The following CNTNAP4 variants were observed in gnomAD, a reference collection of about 807,000 sequenced individuals.
The protein encoded by CNTNAP4 is contactin-associated protein-like 4.
CNTNAP4 carries 98 observed loss-of-function variants against 148.4 expected under a neutral mutation model. The ratio of observed to expected loss-of-function variants is 0.66; its 90% CI spans 0.56 to 0.78. The LOEUF is 0.78. Among genes scored for constraint, CNTNAP4 ranks in the 30% least tolerant of loss-of-function variants. The probability of loss-of-function intolerance (pLI) is 0.00; values close to 1 mark genes in which losing one functional copy is unlikely to be tolerated. For synonymous variants in CNTNAP4, 730 were observed against 565.1 expected, an observed-to-expected ratio of 1.29 and a Z score of -4.14; for missense variants, 1,935 against 1,565.6, an observed-to-expected ratio of 1.24 and a Z score of -3.98.
intron 21 of CNTNAP4, among the ~76,000 whole-genome samples, chr16:76,552,876 C>T (rs1304396720): frequency 6.6e-6 from 1 of 152,154 alleles, no homozygotes; most frequent in Non-Finnish European, 1.5e-5. Context: ...ACTTTCAGGG[C>T]ATAAGTCTTG....
intron 10 of CNTNAP4, among the ~76,000 whole-genome samples, chr16:76,469,881 C>T (rs1046081777): frequency 1.3e-5 from 2 of 152,118 alleles, no homozygotes; most frequent in Non-Finnish European, 2.9e-5. Context: ...CCAAGCGTAT[C>T]TGTAAACCTG....
intron 4 of CNTNAP4, among the ~76,000 whole-genome samples, chr16:76,431,302 G>C (rs2079596058): frequency 1.3e-5 from 2 of 152,136 alleles, no homozygotes. Context: ...GTGAAATCTG[G>C]AGGCAGCAAC....
intron 1 of CNTNAP4, among the ~76,000 whole-genome samples, chr16:76,286,876 A>G (rs1412970446): frequency 6.6e-6 from 1 of 152,228 alleles, no homozygotes; most frequent in Non-Finnish European, 1.5e-5. Context: ...GGACTTAATT[A>G]AAAGAACATT....
At chr16:76,310,796 AT>A (rs35735286) in intron 1 of CNTNAP4, among the ~76,000 whole-genome samples, 131 of 144,844 alleles carry the variant, frequency 9.0e-4, no homozygotes, top group Admixed American at 1.5e-3. Context: ...AATCAGCCCT[AT>A]TTTTTTTTTT....
At chr16:76,494,186 G>A (rs758541634) in intron 13 of CNTNAP4, among the ~76,000 whole-genome samples, 3 of 151,586 alleles carry the variant, frequency 2.0e-5, no homozygotes, top group African/African-American at 4.9e-5. Flanking sequence ...ACTTGGCATC[G>A]TGTTTAGTCT....
At chr16:76,413,789 C>T (rs1294872167) in intron 3 of CNTNAP4, among the ~76,000 whole-genome samples, 6 of 150,978 alleles carry the variant, frequency 4.0e-5, no homozygotes, top group Admixed American at 2.7e-4. Flanking sequence ...TTATAATTTT[C>T]ATGTAAAGGC....
intron 12 of CNTNAP4, among the ~76,000 whole-genome samples, chr16:76,484,967 CA>C (rs201028480): frequency 3.2e-4 from 48 of 152,042 alleles, no homozygotes; most frequent in African/African-American, 1.0e-3. Flanking sequence ...CTAAAATCTA[CA>C]AAAAAAATCT....
chr16:76,494,140 C>G (rs2082321676), intron 13 of CNTNAP4, among the ~76,000 whole-genome samples: 1 of 151,776 alleles, frequency 6.6e-6, no homozygotes, highest in Admixed American at 6.6e-5. Context: ...TCTGAAAATC[C>G]TTTCCTAGAT....
At chr16:76,515,475 C>T (rs2083211131) in intron 15 of CNTNAP4, among the ~76,000 whole-genome samples, 1 of 152,166 alleles carries the variant, frequency 6.6e-6, no homozygotes, top group South Asian at 2.1e-4. Context: ...CATGTAAGGT[C>T]ACAGGATGAA....
chr16:76,524,119 G>A (rs1038097535), intron 17 of CNTNAP4, among the ~76,000 whole-genome samples: 2 of 152,040 alleles, frequency 1.3e-5, no homozygotes, highest in African/African-American at 4.8e-5. Context: ...CAATATATTT[G>A]TGTAATTACT....
chr16:76,461,378 C>A (rs928308438), intron 8 of CNTNAP4, among the ~76,000 whole-genome samples: 1 of 152,102 alleles, frequency 6.6e-6, no homozygotes, highest in Non-Finnish European at 1.5e-5. Flanking sequence ...TTGAGAGTTA[C>A]AAGTAAGTTC....
intron 21 of CNTNAP4, among the ~76,000 whole-genome samples, chr16:76,552,241 G>C (rs1019737652): frequency 6.6e-6 from 1 of 152,244 alleles, no homozygotes; most frequent in East Asian, 1.9e-4. Flanking sequence ...CTGCCTCCAC[G>C]ATCCAATCAC....
intron 13 of CNTNAP4, among the ~76,000 whole-genome samples, chr16:76,490,215 A>G (rs4374193): frequency 0.63 from 95,626 of 152,186 alleles, 36,348 homozygotes; most frequent in Non-Finnish European, 0.83. Flanking sequence ...CAAGTGACAC[A>G]TAAGGTTTAT....
At chr16:76,428,972 A>G (rs1045761976) in intron 4 of CNTNAP4, among the ~76,000 whole-genome samples, 3 of 152,172 alleles carry the variant, frequency 2.0e-5, no homozygotes, top group African/African-American at 7.2e-5. Flanking sequence ...CACAGAAAGG[A>G]AGTGGCAGAG....
intron 3 of CNTNAP4, among the ~76,000 whole-genome samples, chr16:76,360,637 G>A (rs1218119479): frequency 6.6e-6 from 1 of 152,214 alleles, no homozygotes; most frequent in Non-Finnish European, 1.5e-5. Context: ...CAAATGCCTA[G>A]AGAGTGCCTG....
chr16:76,298,733 TC>T (rs2143906837), intron 1 of CNTNAP4, among the ~76,000 whole-genome samples: 1 of 152,264 alleles, frequency 6.6e-6, no homozygotes, highest in African/African-American at 2.4e-5. Context: ...GGACTGCTGA[TC>T]CTCTCCTAGA....
intron 1 of CNTNAP4, among the ~76,000 whole-genome samples, chr16:76,287,034 A>G (rs35146712): frequency 0.086 from 13,017 of 152,128 alleles, 1,870 homozygotes; most frequent in African/African-American, 0.3. Flanking sequence ...CAACTGTGTC[A>G]CAATCCTGTT....
chr16:76,479,402 GA>G lies in CNTNAP4; in HGVS notation c.1763-16del, dbSNP rs746516832. The G allele has an allele frequency of 3.5e-5, 54 of 1,562,210 alleles. No individual in the cohort carries two copies. The highest frequency in any genetic ancestry group is 4.7e-5 in the Non-Finnish European group (54 of 1,155,288). On this transcript the variant is annotated splice_polypyrimidine_tract_variant and intron_variant, in intron 11 of 23. Coordinates refer to ENST00000611870, the MANE Select transcript of CNTNAP4 (RefSeq NM_033401.5). ...CATTTCATGCTATTCCATTAATGATGATTTTTTTTCTTAAAGCTATCTATGA... is the reference window on the plus strand; with the variant it reads ...CATTTCATGCTATTCCATTAATGATGTTTTTTTTCTTAAAGCTATCTATGA...
chr16:76,317,609 A>G (rs1395258984), intron 2 of CNTNAP4, among the ~76,000 whole-genome samples: 2 of 152,344 alleles, frequency 1.3e-5, no homozygotes, highest in East Asian at 3.9e-4. Flanking sequence ...CTCTCGTGGC[A>G]ACATCAGTCA....
Sources: gnomAD v4.1 joint callset for allele counts (sites outside exome capture counted in the v4.1 genomes callset) on GRCh38, gnomAD v4.1.1 for gene constraint, MANE v1.5 for transcripts, NCBI Gene and HGNC (gene_info 2026-07-23, HGNC 2026-07-21) for gene names.